The following GPR139 variants were observed in gnomAD, a reference collection of about 807,000 sequenced individuals.
The protein encoded by GPR139 is probable G protein-coupled receptor 139.
A neutral mutation model predicts 25.8 loss-of-function variants in GPR139; 12 were observed. That is an observed-to-expected ratio of 0.47 (90% CI 0.30 to 0.75). The LOEUF (loss-of-function observed/expected upper bound fraction) is 0.75, where lower values mean the gene tolerates loss of function less well. Among genes scored for constraint, GPR139 ranks in the 30% least tolerant of loss-of-function variants. GPR139 has a pLI of 0.07. For missense variants in GPR139, 380 were observed against 450.2 expected (o/e 0.84, Z 1.41); for synonymous variants, 184 against 179.9 (o/e 1.02, Z -0.18).
rs928508115 is a variant in GPR139 at position 20,057,906 on chromosome 16, C to A, written c.127+15584G>T. On this transcript the variant is annotated intron_variant, in intron 1 of 1. Transcript: ENST00000570682. ...TTTCTACCTAACTAGAGCGTGACTT[C>A]TTTTAGGGCAAAAGCCATTTCATGT... is the stretch of plus-strand genomic sequence containing the variant. Among the ~76,000 whole-genome samples the A allele has an allele frequency of 3.3e-5, 5 of 152,264 alleles. No homozygotes were observed. The South Asian group carries it at 8.3e-4, about 25-fold the overall frequency.
At chr16:20,050,538 T>G (rs2057368245) in intron 1 of GPR139, among the ~76,000 whole-genome samples, 1 of 152,208 alleles carries the variant, frequency 6.6e-6, no homozygotes, top group Non-Finnish European at 1.5e-5. Context: ...AGACTCACAT[T>G]TCCACCTATG....
Position 20,030,137 on chromosome 16 carries a change from T to C in GPR139, c.*1598A>G, listed in dbSNP as rs535513588. 1.0e-3 allele frequency among the ~76,000 whole-genome samples: 155 copies of C among 152,344 alleles called. No individual in the cohort carries two copies. Among genetic ancestry groups the C allele is most frequent in the Non-Finnish European group, 1.6e-3 (107 of 68,038 alleles). ...GAGAGCATTGGCTGAAGTTTAGGGT[T>C]TGTGTTGCCATGGGGCCTTTTCTTA... On this transcript the variant is annotated 3_prime_UTR_variant, in exon 2 of 2. Coordinates refer to ENST00000570682, the MANE Select transcript of GPR139 (RefSeq NM_001002911.4).
At chr16:20,038,327 A>ATG (rs1183749066) in intron 1 of GPR139, among the ~76,000 whole-genome samples, 8 of 81,500 alleles carry the variant, frequency 9.8e-5, no homozygotes, top group African/African-American at 3.8e-4. Context: ...GATAATATAT[A>ATG]TATGTGTGTG....
chr16:20,060,251 T>C (rs1039787498), intron 1 of GPR139, among the ~76,000 whole-genome samples: 19 of 152,030 alleles, frequency 1.2e-4, no homozygotes, highest in African/African-American at 4.3e-4. Flanking sequence ...TGTGTGTGTG[T>C]GTGTGCGTGT....
At chr16:20,060,903 C>T (rs955134118) in intron 1 of GPR139, among the ~76,000 whole-genome samples, 9 of 152,140 alleles carry the variant, frequency 5.9e-5, no homozygotes, top group African/African-American at 2.2e-4. Flanking sequence ...CTTCAGATTT[C>T]GATCACTCCT....
intron 1 of GPR139, among the ~76,000 whole-genome samples, chr16:20,064,643 A>G (rs2608180): frequency 0.38 from 57,154 of 152,110 alleles, 11,086 homozygotes; most frequent in East Asian, 0.56. Flanking sequence ...GCCCCAGGCA[A>G]CCCTGAATTA....
intron 1 of GPR139, among the ~76,000 whole-genome samples, chr16:20,048,753 G>A (rs1168057088): frequency 6.6e-6 from 1 of 152,168 alleles, no homozygotes; most frequent in Non-Finnish European, 1.5e-5. Flanking sequence ...TGGTCCATGG[G>A]TTGCAGGTTT....
At chr16:20,057,675 C>T (rs892807361) in intron 1 of GPR139, among the ~76,000 whole-genome samples, 3 of 151,990 alleles carry the variant, frequency 2.0e-5, no homozygotes, top group African/African-American at 7.3e-5. Context: ...TGTGCCAAGG[C>T]CCACCAGAGG....
intron 1 of GPR139, among the ~76,000 whole-genome samples, chr16:20,050,531 C>G (rs2057368200): frequency 6.6e-6 from 1 of 152,166 alleles, no homozygotes; most frequent in Non-Finnish European, 1.5e-5. Flanking sequence ...CCATGCTAGA[C>G]TCACATTTCC....
At chr16:20,063,203 A>C (rs930738352) in intron 1 of GPR139, among the ~76,000 whole-genome samples, 2 of 152,222 alleles carry the variant, frequency 1.3e-5, no homozygotes, top group African/African-American at 4.8e-5. Flanking sequence ...CCAGATCACA[A>C]ATCAGCCTCC....
In GPR139 at chr16:20,030,672, C is replaced by T. The variant is rs530940973; in HGVS notation, c.*1063G>A. Among the ~76,000 whole-genome samples, 30 of 152,336 alleles carry T rather than the reference C, an allele frequency of 2.0e-4. No individual in the cohort carries two copies. The South Asian group carries it at 5.4e-3, about 27-fold the overall frequency. Reference sequence around the variant, plus strand: ...GCACCTTTTGTGTCTGCGTTTGTGGCGAAATGGCAGCGCCAGCTGGGCTGT... The same window carrying T: ...GCACCTTTTGTGTCTGCGTTTGTGGTGAAATGGCAGCGCCAGCTGGGCTGT... On this transcript the variant is annotated 3_prime_UTR_variant, in exon 2 of 2. Coordinates refer to ENST00000570682, the MANE Select transcript of GPR139 (RefSeq NM_001002911.4).
At position 20,031,450 on chromosome 16, in the gene GPR139, A is replaced by C. The variant is rs1170581637; in HGVS notation, c.*285T>G. On this transcript the variant is annotated 3_prime_UTR_variant, in exon 2 of 2. Transcript: ENST00000570682. ...GACTACTTCTCTACTTTGTGTCCTAACTGGTCACAGGATGATGACACAAGC... is the reference window on the plus strand; with the variant it reads ...GACTACTTCTCTACTTTGTGTCCTACCTGGTCACAGGATGATGACACAAGC... 1 of 427,522 alleles carries C rather than the reference A, an allele frequency of 2.3e-6. No homozygotes were observed. Among genetic ancestry groups the C allele is most frequent in the Non-Finnish European group, 4.3e-6 (1 of 235,116 alleles). 26.5% of individuals were successfully genotyped at this position (427,522 alleles called of 1,614,324 possible).
At chr16:20,054,984 TC>T (rs1195154914) in intron 1 of GPR139, among the ~76,000 whole-genome samples, 2 of 152,168 alleles carry the variant, frequency 1.3e-5, no homozygotes, top group African/African-American at 2.4e-5. Context: ...CACCTCAGCT[TC>T]CCAAAGTGCT....
intron 1 of GPR139, among the ~76,000 whole-genome samples, chr16:20,045,952 G>T (rs948470244): frequency 6.6e-6 from 1 of 152,104 alleles, no homozygotes; most frequent in African/African-American, 2.4e-5. Context: ...GGGTGCGAGG[G>T]GACCAACAGG....
chr16:20,062,727 C>T (rs1258162015), intron 1 of GPR139, among the ~76,000 whole-genome samples: 1 of 152,026 alleles, frequency 6.6e-6, no homozygotes, highest in African/African-American at 2.4e-5. Context: ...GTCATATATA[C>T]AATTAAAATT....
chr16:20,068,892 T>G (rs2057447726), intron 1 of GPR139, among the ~76,000 whole-genome samples: 3 of 152,164 alleles, frequency 2.0e-5, no homozygotes, highest in Non-Finnish European at 4.4e-5. Context: ...AATTTTTTTT[T>G]TTTTTAGTTT....
intron 1 of GPR139, among the ~76,000 whole-genome samples, chr16:20,063,720 G>C (rs72772772): frequency 0.041 from 6,166 of 152,214 alleles, 149 homozygotes; most frequent in Non-Finnish European, 0.056. Context: ...AATCTCCCAG[G>C]CTCTTTTTCC....
At chr16:20,053,996 C>T (rs2057380920) in intron 1 of GPR139, among the ~76,000 whole-genome samples, 1 of 152,160 alleles carries the variant, frequency 6.6e-6, no homozygotes, top group Non-Finnish European at 1.5e-5. Context: ...CAAACTACCT[C>T]TCAGATGCAT....
intron 1 of GPR139, among the ~76,000 whole-genome samples, chr16:20,041,250 GGGAAGGAGAA>G (rs2057333879): frequency 2.0e-4 from 2 of 9,910 alleles, no homozygotes; most frequent in African/African-American, 5.2e-4. Context: ...GGAGAGGAGA[GGGAAGGAGAA>G]AAGAAAAGCA....
Sources: allele counts gnomAD v4.1 joint callset (sites outside exome capture counted in the v4.1 genomes callset), GRCh38; gene constraint gnomAD v4.1.1; transcripts MANE v1.5; gene names NCBI Gene and HGNC (gene_info 2026-07-23, HGNC 2026-07-21).